Variants in ATAD3B observed in about 807,000 individuals in gnomAD.
ATAD3B encodes the protein ATPase family AAA domain containing 3B, also known as ATPase family AAA domain-containing protein 3B.
In ATAD3B, 59 loss-of-function variants were observed where a neutral mutation model predicts 70.2. The observed-to-expected ratio is 0.84, with a 90% CI of 0.68 to 1.04. The LOEUF (loss-of-function observed/expected upper bound fraction) is 1.04. ATAD3B is among the 50% of genes least tolerant of loss of function. ATAD3B has a pLI of 0.00. For missense variants in ATAD3B, 961 were observed against 913.4 expected, an observed-to-expected ratio of 1.05 and a Z score of -0.67; for synonymous variants, 423 against 388.6, an observed-to-expected ratio of 1.09 and a Z score of -1.04.
intron 13 of ATAD3B, 160 bp downstream of exon 13, chr1:1,489,434 C>G: frequency 7.6e-7 from 1 of 1,319,536 alleles, no homozygotes; most frequent in Non-Finnish European, 1.0e-6. Context: ...CGGGACAGCA[C>G]GGGGTGTCAT....
Position 1,471,852 on chromosome 1 carries a change from C to G in ATAD3B, c.-33C>G, listed in dbSNP as rs561701000. Reference sequence around the variant, plus strand: ...GCCCGAGTCAGACTCGGGTGGGGGTCCCGGCGGCGGTAGCGGCGGCGGCGG... The same window carrying G: ...GCCCGAGTCAGACTCGGGTGGGGGTGCCGGCGGCGGTAGCGGCGGCGGCGG... On this transcript the variant is annotated 5_prime_UTR_variant, in exon 1 of 16. Transcript: ENST00000673477. 7.9e-7 allele frequency: 1 copy of G among 1,272,886 alleles called. No individual in the cohort carries two copies. The highest frequency in any genetic ancestry group is 9.9e-7 in the Non-Finnish European group (1 of 1,005,472). The allele number at this position is 1,272,886 out of a possible 1,614,324, so 78.8% of individuals were successfully genotyped here.
intron 15 of ATAD3B, among the ~76,000 whole-genome samples, chr1:1,493,904 G>T (rs1410173145): frequency 6.6e-6 from 1 of 151,914 alleles, no homozygotes; most frequent in Non-Finnish European, 1.5e-5. Flanking sequence ...TGTTTGTCTG[G>T]CTTTAATATG....
chr1:1,475,319 T>C (rs1570187540), intron 1 of ATAD3B, among the ~76,000 whole-genome samples: 1 of 151,268 alleles, frequency 6.6e-6, no homozygotes, highest in South Asian at 2.1e-4. Flanking sequence ...TGCTGGCGGG[T>C]GAGAGAGGTT....
intron 1 of ATAD3B, among the ~76,000 whole-genome samples, chr1:1,472,520 T>C (rs1186904425): frequency 6.6e-6 from 1 of 151,892 alleles, no homozygotes; most frequent in Non-Finnish European, 1.5e-5. Flanking sequence ...TGAGAGTTAC[T>C]TGATTCTAAC....
At chr1:1,494,354 C>A (rs1489694320) in intron 15 of ATAD3B, among the ~76,000 whole-genome samples, 2 of 151,950 alleles carry the variant, frequency 1.3e-5, no homozygotes, top group African/African-American at 4.8e-5. Context: ...GGTCCCTGCA[C>A]CTGTTTGCCC....
intron 12 of ATAD3B, among the ~76,000 whole-genome samples, chr1:1,488,221 G>A (rs1258449638): frequency 6.6e-6 from 1 of 151,952 alleles, no homozygotes; most frequent in African/African-American, 2.4e-5. Context: ...CTCCCAAAAT[G>A]CTGGGATTAC....
At chr1:1,478,304 C>G in intron 2 of ATAD3B, 1 of 1,001,166 alleles carries the variant, frequency 1.0e-6, no homozygotes, top group Non-Finnish European at 1.4e-6. Flanking sequence ...GCCCACTCAG[C>G]AGGATTCCTA....
chr1:1,478,734 C>A lies in ATAD3B; in HGVS notation c.373C>A (p.Gln125Lys). 2 of 1,524,314 alleles carry A rather than the reference C, an allele frequency of 1.3e-6. No individual in the cohort carries two copies. Among genetic ancestry groups the A allele is most frequent in the Non-Finnish European group, 1.8e-6 (2 of 1,132,818 alleles). The allele number at this position is 1,524,314 out of a possible 1,614,324, so 94.4% of individuals were successfully genotyped here. A position where few individuals can be genotyped will look rare whatever the true frequency, so the allele number is the denominator to read the frequency against. Residue 125 changes from glutamine to lysine, a missense_variant, in exon 3 of 16, where the codon CAG becomes AAG. Transcript: ENST00000673477. ...RRKTLSEETR[Q>K]HQARAQYQDK... ...GAAGACCCTGAGCGAGGAGACCCGG[C>A]AGCACCAGGCCGTAAGAGCGCAAGA...
chr1:1,472,862 A>G (rs1639400047), intron 1 of ATAD3B, among the ~76,000 whole-genome samples: 1 of 151,946 alleles, frequency 6.6e-6, no homozygotes. Flanking sequence ...GAGACACAGT[A>G]TCGCCCTGTC....
chr1:1,482,287 G>T lies in ATAD3B; in HGVS notation c.664G>T (p.Val222Phe), dbSNP rs532582112. ...RLKASEHRQT[V>F]LESIRTAGTL... ...GAAGGCGTCCGAGCACCGTCAGACC[G>T]TCTTGGAGTCCATCAGGTGAGCACT... Residue 222 changes from valine (V) to phenylalanine (F), a missense_variant, in exon 6 of 16, where the codon GTC (valine) becomes TTC (phenylalanine). Transcript: ENST00000673477. 3.9e-5 allele frequency: 63 copies of T among 1,607,842 alleles called. 1 individual carries two copies. The African/African-American group carries it at 7.2e-4, about 18-fold the overall frequency.
chr1:1,478,431 G>C (rs150450339), intron 2 of ATAD3B: 1 of 1,521,334 alleles, frequency 6.6e-7, no homozygotes, highest in Non-Finnish European at 8.8e-7. Flanking sequence ...GGGGGCCTTC[G>C]CAGGCTTCTC....
At chr1:1,502,508 T>TAAC (rs1640967372), downstream of ATAD3B, among the ~76,000 whole-genome samples, 2 of 122,478 alleles carry the variant, frequency 1.6e-5, no homozygotes, top group Non-Finnish European at 3.4e-5. Context: ...GTGCCCAGCA[T>TAAC]TTTTTTTTTT....
At chr1:1,482,358 C>T (rs1049435419) in intron 6 of ATAD3B, 55 bp downstream of exon 6, 14 of 1,552,170 alleles carry the variant, frequency 9.0e-6, no homozygotes, top group African/African-American at 3.0e-5. Flanking sequence ...AGGTGTGAGT[C>T]GCTGGTCCCA....
In ATAD3B at chr1:1,482,657, C is replaced by G. The variant is rs746649392; in HGVS notation, c.750+43C>G. 6 of 1,612,668 alleles carry G rather than the reference C, an allele frequency of 3.7e-6. No individual in the cohort carries two copies. In the Admixed American group the frequency reaches 8.3e-5, roughly 22 times the overall value. ...ACAGGGCTGGCAGGTGGCTGAGAGG[C>G]AGCATGTGGGGGCCTCCTGGAGCCC... On this transcript the variant is annotated intron_variant, in intron 7 of 15. Transcript: ENST00000673477.
At chr1:1,498,189 G>C (rs1640849270), downstream of ATAD3B, among the ~76,000 whole-genome samples, 1 of 152,006 alleles carries the variant, frequency 6.6e-6, no homozygotes, top group Non-Finnish European at 1.5e-5. Flanking sequence ...TGTAATCCCA[G>C]CTACTCGGGA....
At chr1:1,506,348 G>A in the ATAD3B span, among the ~76,000 whole-genome samples, 10 of 152,060 alleles carry the variant, frequency 6.6e-5, no homozygotes, top group South Asian at 2.1e-3. Flanking sequence ...GGGTTTTACA[G>A]GGATTGCATC....
rs1405046189 is a variant in ATAD3B at position 1,486,568 on chromosome 1, G to A, written c.1114G>A (p.Asp372Asn). The A allele has an allele frequency of 2.5e-6, 4 of 1,611,866 alleles. No individual in the cohort carries two copies. In the Admixed American group the frequency reaches 6.7e-5, roughly 27 times the overall value. ...AKKLALHSGMDYAIMTGGDVA... is the reference protein window; with the variant it reads ...AKKLALHSGMNYAIMTGGDVA... ...GAAACTCGCCCTGCACTCAGGCATG[G>A]ACTACGCCATCATGACAGGCGGGGA... Residue 372 changes from aspartate (D) to asparagine (N), a missense_variant, in exon 11 of 16, where the codon GAC becomes AAC. Transcript: ENST00000673477.
chr1:1,493,749 A>G (rs1314484433), intron 15 of ATAD3B, among the ~76,000 whole-genome samples: 1 of 151,818 alleles, frequency 6.6e-6, no homozygotes, highest in Non-Finnish European at 1.5e-5. Flanking sequence ...ATATTGAACT[A>G]TCCTTGCATT....
In ATAD3B at chr1:1,497,181, C is replaced by G. The variant is rs1640822469; in HGVS notation, c.*1364C>G. 1 of 151,136 alleles carries G rather than the reference C, an allele frequency of 6.6e-6. No homozygotes were observed. The highest frequency in any genetic ancestry group is 6.6e-5 in the Admixed American group (1 of 15,192). 9.4% of individuals were successfully genotyped at this position (151,136 alleles called of 1,614,324 possible). A position where few individuals can be genotyped will look rare whatever the true frequency, so the allele number is the denominator to read the frequency against. Reference sequence around the variant, plus strand: ...CTACCTCTGCTCGCTCTCTCCATTTCTCTCTCTACCTCTGCTCGCTCTCTC... The same window carrying G: ...CTACCTCTGCTCGCTCTCTCCATTTGTCTCTCTACCTCTGCTCGCTCTCTC... On this transcript the variant is annotated 3_prime_UTR_variant, in exon 16 of 16. Transcript: ENST00000673477.
Sources: allele counts gnomAD v4.1 joint callset (sites outside exome capture counted in the v4.1 genomes callset), GRCh38; gene constraint gnomAD v4.1.1; transcripts MANE v1.5; gene names NCBI Gene and HGNC (gene_info 2026-07-23, HGNC 2026-07-21).